PTPRD: variants seen among roughly 807,000 people sequenced by gnomAD.
The protein encoded by PTPRD is receptor-type tyrosine-protein phosphatase delta.
In PTPRD, 34 loss-of-function variants were observed where a neutral mutation model predicts 214.5. That is an observed-to-expected ratio of 0.16 (90% CI 0.12 to 0.21). The LOEUF (loss-of-function observed/expected upper bound fraction) is 0.21. Ranked by LOEUF, PTPRD falls within the 10% of genes least tolerant of loss-of-function variation. The pLI is 1.00. For missense variants in PTPRD, 2,545 were observed against 2,398.7 expected (o/e 1.06, Z -1.27); for synonymous variants, 1,128 against 845.7 (o/e 1.33, Z -5.79).
intron 14 of PTPRD, among the ~76,000 whole-genome samples, chr9:8,580,536 T>C (rs533512032): frequency 2.6e-5 from 4 of 152,340 alleles, no homozygotes; most frequent in African/African-American, 7.2e-5. Context: ...AATGTAAAGA[T>C]ACCAAAGTAC....
In PTPRD at chr9:10,186,015, A is replaced by G. The variant is rs184452536; in HGVS notation, c.-544-152225T>C. ...AAATAATGGCTCAGGTTTGAGAGGTAGTATTGACAATTTCACTTGTATACC... is the reference window on the plus strand; with the variant it reads ...AAATAATGGCTCAGGTTTGAGAGGTGGTATTGACAATTTCACTTGTATACC... On this transcript the variant is annotated intron_variant, in intron 3 of 45. Coordinates refer to ENST00000381196, the MANE Select transcript of PTPRD (RefSeq NM_002839.4). Among the ~76,000 whole-genome samples, 178 of 152,242 alleles carry G rather than the reference A, an allele frequency of 1.2e-3. 3 individuals carry two copies. Among genetic ancestry groups the G allele is most frequent in the Non-Finnish European group, 1.3e-3 (90 of 67,968 alleles).
intron 10 of PTPRD, among the ~76,000 whole-genome samples, chr9:9,057,447 A>C (rs1393429763): frequency 6.6e-6 from 1 of 152,192 alleles, no homozygotes; most frequent in Non-Finnish European, 1.5e-5. Context: ...GTTTAAATGG[A>C]TTTTACTTTG....
At chr9:9,979,227 T>A (rs977602851) in intron 4 of PTPRD, among the ~76,000 whole-genome samples, 19 of 151,944 alleles carry the variant, frequency 1.3e-4, no homozygotes, top group African/African-American at 4.6e-4. Flanking sequence ...AGTATAAATA[T>A]AAAAGCCTTT....
chr9:9,353,674 G>A (rs965695339), intron 9 of PTPRD, among the ~76,000 whole-genome samples: 1 of 151,426 alleles, frequency 6.6e-6, no homozygotes, highest in East Asian at 1.9e-4. Context: ...AGTTAAGCAT[G>A]AGCATCAAGT....
chr9:9,139,552 G>A (rs1033492448), intron 10 of PTPRD, among the ~76,000 whole-genome samples: 6 of 152,130 alleles, frequency 3.9e-5, no homozygotes, highest in East Asian at 3.9e-4. Flanking sequence ...CGCGACAGTC[G>A]AGGGTGGCTA....
chr9:10,595,818 C>G (rs2076512470), intron 2 of PTPRD, among the ~76,000 whole-genome samples: 1 of 151,498 alleles, frequency 6.6e-6, no homozygotes, highest in African/African-American at 2.4e-5. Context: ...TATCAGAGTA[C>G]TTTTTCCCTT....
intron 3 of PTPRD, among the ~76,000 whole-genome samples, chr9:10,274,859 G>T (rs936702822): frequency 5.9e-5 from 9 of 152,218 alleles, no homozygotes; most frequent in African/African-American, 2.2e-4. Flanking sequence ...CTAGACAGCA[G>T]CAATGGAAAT....
At chr9:8,381,733 G>A (rs962794890) in intron 37 of PTPRD, among the ~76,000 whole-genome samples, 9 of 152,122 alleles carry the variant, frequency 5.9e-5, no homozygotes, top group East Asian at 1.9e-4. Flanking sequence ...TGAACCATTC[G>A]CACACTTTCT....
At chr9:8,908,357 T>C (rs1446411683) in intron 11 of PTPRD, among the ~76,000 whole-genome samples, 1 of 151,988 alleles carries the variant, frequency 6.6e-6, no homozygotes, top group Non-Finnish European at 1.5e-5. Flanking sequence ...CAGGAGAAAA[T>C]AAAGTTATTA....
At position 9,646,344 on chromosome 9, in the gene PTPRD, G is replaced by GGT. The variant is rs146202807; in HGVS notation, c.-286-71565_-286-71564dup. Among the ~76,000 whole-genome samples the GGT allele has an allele frequency of 9.7e-4, 131 of 135,002 alleles. No homozygotes were observed. In the South Asian group the frequency reaches 0.011, roughly 12 times the overall value. The allele number at this position is 135,002 out of a possible 152,430, so 88.6% of individuals were successfully genotyped here. The stretch of plus-strand genomic sequence containing the variant: ...GTGTGTGTGTGTGTGTGTGTGTGTG[G>GGT]GTGTGTGTGTGTGTGTGTATTTGCC... On this transcript the variant is annotated intron_variant, in intron 7 of 45. Transcript: ENST00000381196.
intron 3 of PTPRD, among the ~76,000 whole-genome samples, chr9:10,244,835 G>C (rs908402874): frequency 6.6e-6 from 1 of 151,982 alleles, no homozygotes; most frequent in Non-Finnish European, 1.5e-5. Context: ...AAAGCATGCT[G>C]TTTTCTAGCT....
At chr9:9,547,260 T>G (rs367885701) in intron 8 of PTPRD, among the ~76,000 whole-genome samples, 2 of 152,204 alleles carry the variant, frequency 1.3e-5, no homozygotes, top group African/African-American at 4.8e-5. Flanking sequence ...CTTACAAACC[T>G]TTGTGTTCCT....
intron 10 of PTPRD, among the ~76,000 whole-genome samples, chr9:9,147,940 T>A (rs1266644600): frequency 1.3e-5 from 2 of 152,182 alleles, no homozygotes; most frequent in Non-Finnish European, 2.9e-5. Flanking sequence ...GGTGCTTTAC[T>A]AAGCTTTTCA....
At chr9:10,296,500 T>C (rs1244039982) in intron 3 of PTPRD, among the ~76,000 whole-genome samples, 1 of 152,106 alleles carries the variant, frequency 6.6e-6, no homozygotes, top group Admixed American at 6.6e-5. Flanking sequence ...TTCTCTGCTA[T>C]ATAAACCCCT....
chr9:8,819,191 A>G (rs2096987984), intron 11 of PTPRD, among the ~76,000 whole-genome samples: 1 of 152,192 alleles, frequency 6.6e-6, no homozygotes. Flanking sequence ...TGAGTATTCC[A>G]TTATTAAGTG....
intron 9 of PTPRD, among the ~76,000 whole-genome samples, chr9:9,249,204 C>G (rs1269817289): frequency 1.3e-5 from 2 of 151,964 alleles, no homozygotes; most frequent in Non-Finnish European, 2.9e-5. Context: ...TCCTTTCTCT[C>G]TTGCTCCCTC....
intron 12 of PTPRD, among the ~76,000 whole-genome samples, chr9:8,699,017 A>G (rs1060612): frequency 0.046 from 6,954 of 152,228 alleles, 237 homozygotes; most frequent in Non-Finnish European, 0.076. Context: ...GAAGTTGTGA[A>G]TTCTTTTCTT....
At chr9:8,455,106 G>A (rs1203321585) in intron 33 of PTPRD, among the ~76,000 whole-genome samples, 2 of 152,078 alleles carry the variant, frequency 1.3e-5, no homozygotes, top group African/African-American at 4.8e-5. Context: ...ACAGAAATTT[G>A]CACAATTGAA....
At chr9:9,949,556 T>C (rs1372791400) in intron 4 of PTPRD, among the ~76,000 whole-genome samples, 2 of 152,086 alleles carry the variant, frequency 1.3e-5, no homozygotes, top group Admixed American at 6.6e-5. Context: ...ATAATGCTAC[T>C]CACATACCAA....
Sources: gnomAD v4.1 joint callset for allele counts (sites outside exome capture counted in the v4.1 genomes callset) on GRCh38, gnomAD v4.1.1 for gene constraint, MANE v1.5 for transcripts, NCBI Gene and HGNC (gene_info 2026-07-23, HGNC 2026-07-21) for gene names.